The following EPHX3 variants were observed in gnomAD, a reference collection of about 807,000 sequenced individuals.
EPHX3 encodes the protein abhydrolase domain containing 9.
A neutral mutation model predicts 40.2 loss-of-function variants in EPHX3; 39 were observed. The observed-to-expected ratio is 0.97, with a 90% CI of 0.75 to 1.27. The LOEUF (loss-of-function observed/expected upper bound fraction) is 1.27. EPHX3 is among the 50% of genes most tolerant of loss of function. The pLI is 0.00. For synonymous variants in EPHX3, 213 were observed against 209.7 expected, an observed-to-expected ratio of 1.02 and a Z score of -0.14; for missense variants, 442 against 474.0, an observed-to-expected ratio of 0.93 and a Z score of 0.63.
chr19:15,227,236 T>C lies in EPHX3; in HGVS notation c.*201A>G, dbSNP rs2047118296. On this transcript the variant is annotated 3_prime_UTR_variant, in exon 7 of 7. Transcript: ENST00000221730. ...TGTTTGTTACACACACATGCATCCA[T>C]GCCTGTGTGTGAGTATAGGGGTTGG... The C allele has an allele frequency of 5.1e-6, 3 of 593,556 alleles. No homozygotes were observed. The East Asian group carries it at 8.4e-5, about 17-fold the overall frequency. 36.8% of individuals were successfully genotyped at this position (593,556 alleles called of 1,614,324 possible).
chr19:15,232,038 G>A lies in EPHX3; in HGVS notation c.174C>T (p.Arg58=), dbSNP rs768469591. 2.5e-6 allele frequency: 4 copies of A among 1,585,562 alleles called. No homozygotes were observed. In the South Asian group the frequency reaches 3.3e-5, roughly 13 times the overall value. Residue 58 remains arginine (R), a synonymous_variant, in exon 1 of 7, where the codon CGC becomes CGT. Coordinates refer to ENST00000221730, the MANE Select transcript of EPHX3 (RefSeq NM_024794.3). ...LCRPRRGCCG[R]RRSASPACLS... ...GGCAGGCGGGGGACGCGCTCCGACGGCGCCCGCAGCAGCCGCGCCGGGGCC... is the reference window on the plus strand; with the variant it reads ...GGCAGGCGGGGGACGCGCTCCGACGACGCCCGCAGCAGCCGCGCCGGGGCC...
intron 3 of EPHX3, 57 bp downstream of exon 3, chr19:15,231,182 G>T (rs560863212): frequency 6.2e-7 from 1 of 1,612,258 alleles, no homozygotes; most frequent in Non-Finnish European, 8.5e-7. Flanking sequence ...AGAAAGCGGG[G>T]GTATGCGTGT....
chr19:15,235,599 A>G (rs1195057308), upstream of EPHX3: 1 of 152,140 alleles, frequency 6.6e-6, no homozygotes, highest in Non-Finnish European at 1.5e-5. Context: ...TATGTAAGTG[A>G]AAAGTCTACG....
At chr19:15,231,516 G>T in intron 2 of EPHX3, 120 bp from the exon 3 acceptor site, 1 of 1,326,676 alleles carries the variant, frequency 7.5e-7, no homozygotes, top group Non-Finnish European at 1.0e-6. Flanking sequence ...CTAAAAGGAG[G>T]ATGGGGAATC....
rs962616489 is a variant in EPHX3, at chr19:15,227,312, T to G, written c.*125A>C. ...GCTTGTGTGGGATCCAGGAGTCCCA[T>G]GCCTATGAGCGATTCAAGAGTTCAC... On this transcript the variant is annotated 3_prime_UTR_variant, in exon 7 of 7. Transcript: ENST00000221730. The G allele has an allele frequency of 8.9e-6, 7 of 788,180 alleles. No homozygotes were observed. The highest frequency in any genetic ancestry group is 4.5e-5 in the Admixed American group (2 of 44,634). The allele number at this position is 788,180 out of a possible 1,614,324, so 48.8% of individuals were successfully genotyped here.
chr19:15,233,611 G>T (rs904162223), upstream of EPHX3, among the ~76,000 whole-genome samples: 3 of 152,244 alleles, frequency 2.0e-5, no homozygotes, highest in Non-Finnish European at 2.9e-5. Flanking sequence ...AGGAGGCGTG[G>T]ATACCCTGAT....
At chr19:15,230,909 C>G in intron 4 of EPHX3, 53 bp downstream of exon 4, 1 of 1,599,752 alleles carries the variant, frequency 6.3e-7, no homozygotes, top group Non-Finnish European at 8.5e-7. Flanking sequence ...AGACACATGT[C>G]CCTGCCCCCT....
upstream of EPHX3, chr19:15,233,173 T>C (rs1238036441): frequency 1.7e-5 from 2 of 120,654 alleles, no homozygotes; most frequent in African/African-American, 6.6e-5. Context: ...GGGTGGGCAA[T>C]GGGCAATGAG....
chr19:15,231,783 C>T lies in EPHX3; in HGVS notation c.322G>A (p.Glu108Lys). 1 of 1,613,988 alleles carries T rather than the reference C, an allele frequency of 6.2e-7. No homozygotes were observed. Among genetic ancestry groups the T allele is most frequent in the Non-Finnish European group, 8.5e-7 (1 of 1,180,028 alleles). The change falls in exon 2 of 7, where the codon GAG becomes AAG. Residue 108 changes from glutamate to lysine, a missense_variant. Transcript: ENST00000221730. ...CCCTGGCCCCAGACGTACCAGTTCTCAGGGAAGCCGTGCAGAAACAGCATG... is the reference window on the plus strand; with the variant it reads ...CCCTGGCCCCAGACGTACCAGTTCTTAGGGAAGCCGTGCAGAAACAGCATG... ...PLMLFLHGFPENWFSWRYQLR... is the reference protein window; with the variant it reads ...PLMLFLHGFPKNWFSWRYQLR...
rs1197586855 is a variant in EPHX3 at position 15,227,176 on chromosome 19, T to C, written c.*261A>G. ...ACTCGGTCTCGGCATCTGGCTCCAC[T>C]GGAAGAGAGGTATACCCAGTTCCCA... On this transcript the variant is annotated 3_prime_UTR_variant, in exon 7 of 7. Coordinates refer to ENST00000221730, the MANE Select transcript of EPHX3 (RefSeq NM_024794.3). The C allele has an allele frequency of 2.1e-6, 1 of 469,584 alleles. No homozygotes were observed. The highest frequency in any genetic ancestry group is 3.8e-6 in the Non-Finnish European group (1 of 261,254). The allele number at this position is 469,584 out of a possible 1,614,324, so 29.1% of individuals were successfully genotyped here.
At position 15,227,616 on chromosome 19, in the gene EPHX3, GC is replaced by G. The variant is rs769579407; in HGVS notation, c.903del (p.Leu302CysfsTer34). On this transcript the variant is annotated frameshift_variant, in exon 7 of 7. Transcript: ENST00000221730. LOFTEE classifies it high-confidence loss of function. ...EPQELTTPTL[L>X]LWGEKDTYLE... ...AAGTAAGTGTCCTTCTCCCCCCACA[GC>G]AGCAATGTGGGTGTGGTCAGCTCCT... The G allele has an allele frequency of 6.2e-7, 1 of 1,614,108 alleles. No homozygotes were observed. The highest frequency in any genetic ancestry group is 1.3e-5 in the African/African-American group (1 of 75,042).
rs755811294 is a variant in EPHX3, at chr19:15,232,087, A to G, written c.125T>C (p.Ile42Thr). 1.1e-4 allele frequency: 171 copies of G among 1,562,308 alleles called. 2 individuals are homozygous for G. In the Admixed American group the frequency reaches 3.0e-3, roughly 27 times the overall value. Reference protein sequence around the residue: ...ALVAAAVYGCIALTHVLCRPR... With the variant: ...ALVAAAVYGCTALTHVLCRPR... ...CCGGCACAGCACGTGCGTGAGCGCTATGCAGCCGTAGACCGCCGCGGCCAC... is the reference window on the plus strand; with the variant it reads ...CCGGCACAGCACGTGCGTGAGCGCTGTGCAGCCGTAGACCGCCGCGGCCAC... The change falls in exon 1 of 7, where the codon ATA becomes ACA. Residue 42 changes from isoleucine (I) to threonine (T), a missense_variant. Physicochemically the swap from Ile to Thr is moderately conservative, Grantham distance 89 (BLOSUM62 -1). Coordinates refer to ENST00000221730, the MANE Select transcript of EPHX3 (RefSeq NM_024794.3).
At chr19:15,235,949 C>T (rs1208558900), upstream of EPHX3, 3 of 152,172 alleles carry the variant, frequency 2.0e-5, no homozygotes, top group African/African-American at 7.2e-5. Flanking sequence ...AAACAAGGAA[C>T]AAAAATGAGT....
In EPHX3 at chr19:15,232,077, C is replaced by A. The variant is rs538265067; in HGVS notation, c.135G>T (p.Thr45=). 7.0e-6 allele frequency: 11 copies of A among 1,568,826 alleles called. No individual in the cohort carries two copies. The African/African-American group carries it at 8.0e-5, about 11-fold the overall frequency. The change falls in exon 1 of 7, where the codon ACG becomes ACT. Residue 45 remains threonine (T), a synonymous_variant. Coordinates refer to ENST00000221730, the MANE Select transcript of EPHX3 (RefSeq NM_024794.3). The part of the protein sequence containing the change: ...AAAVYGCIAL[T]HVLCRPRRGC... ...CGCGCCGGGGCCGGCACAGCACGTG[C>A]GTGAGCGCTATGCAGCCGTAGACCG...
At position 15,231,659 on chromosome 19, in the gene EPHX3, T is replaced by C. The variant is rs949978075; in HGVS notation, c.329+117A>G. 7 of 1,139,582 alleles carry C rather than the reference T, an allele frequency of 6.1e-6. No homozygotes were observed. In the African/African-American group the frequency reaches 1.1e-4, roughly 17 times the overall value. The allele number at this position is 1,139,582 out of a possible 1,614,324, so 70.6% of individuals were successfully genotyped here. Reference sequence around the variant, plus strand: ...TGGGTATGCTGGCTCAGTACCCCTATCCCCATCTATGTTCAGCTTGTCCCG... The same window carrying C: ...TGGGTATGCTGGCTCAGTACCCCTACCCCCATCTATGTTCAGCTTGTCCCG... On this transcript the variant is annotated intron_variant, in intron 2 of 6. Coordinates refer to ENST00000221730, the MANE Select transcript of EPHX3 (RefSeq NM_024794.3).
upstream of EPHX3, among the ~76,000 whole-genome samples, chr19:15,233,737 T>C (rs1213478102): frequency 6.6e-6 from 1 of 151,762 alleles, no homozygotes; most frequent in Non-Finnish European, 1.5e-5. Flanking sequence ...GGGCCTAGAG[T>C]CACAGAGCCT....
chr19:15,235,025 G>T (rs552802384), upstream of EPHX3, among the ~76,000 whole-genome samples: 38 of 151,950 alleles, frequency 2.5e-4, no homozygotes, highest in South Asian at 4.4e-3. Context: ...TTTTGAGATG[G>T]GAGTCTCACC....
intron 2 of EPHX3, 50 bp from the exon 3 acceptor site, chr19:15,231,446 C>T: frequency 6.3e-7 from 1 of 1,594,238 alleles, no homozygotes; most frequent in South Asian, 1.1e-5. Flanking sequence ...TCAGGTTGCA[C>T]CTGCACCCTA....
Position 15,231,988 on chromosome 19 carries a change from T to C in EPHX3, c.224A>G (p.His75Arg). Residue 75 changes from histidine (H) to arginine (R), a missense_variant, in exon 1 of 7, where the codon CAC becomes CGC. Physicochemically the swap from His to Arg is conservative, Grantham distance 29. Coordinates refer to ENST00000221730, the MANE Select transcript of EPHX3 (RefSeq NM_024794.3). ...ACLSDPSLGE[H>R]GFLNLKSSGL... ...GATCACCTTGAGGTTCAGGAAACCG[T>C]GCTCACCCAGCGAGGGGTCGCTCAG... is the stretch of plus-strand genomic sequence containing the variant. The C allele has an allele frequency of 1.2e-6, 2 of 1,610,396 alleles. No homozygotes were observed. Among genetic ancestry groups the C allele is most frequent in the Non-Finnish European group, 1.7e-6 (2 of 1,179,678 alleles).
Sources: gnomAD v4.1 joint callset for allele counts (sites outside exome capture counted in the v4.1 genomes callset) on GRCh38, gnomAD v4.1.1 for gene constraint, MANE v1.5 for transcripts, NCBI Gene and HGNC (gene_info 2026-07-23, HGNC 2026-07-21) for gene names.